SPHKAP: variants seen among roughly 807,000 people sequenced by gnomAD.
SPHKAP encodes the protein A-kinase anchor protein SPHKAP.
A neutral mutation model predicts 137.5 loss-of-function variants in SPHKAP; 67 were observed. The observed-to-expected ratio is 0.49, with a 90% CI of 0.40 to 0.60. The LOEUF is 0.60. Among genes scored for constraint, SPHKAP ranks in the 20% least tolerant of loss-of-function variants. The pLI, the probability that SPHKAP is intolerant of heterozygous loss-of-function variation, is 0.00. For missense variants in SPHKAP, 2,097 were observed against 2,069.3 expected (o/e 1.01, Z -0.26); for synonymous variants, 813 against 785.3 (o/e 1.04, Z -0.59).
At chr2:228,151,121 C>A (rs1051775861) in intron 1 of SPHKAP, among the ~76,000 whole-genome samples, 2 of 142,406 alleles carry the variant, frequency 1.4e-5, no homozygotes, top group African/African-American at 2.6e-5. Flanking sequence ...GTGTGATGTT[C>A]CCCTTCCTGT....
At chr2:228,105,655 A>G (rs1043822448) in intron 3 of SPHKAP, among the ~76,000 whole-genome samples, 1 of 152,134 alleles carries the variant, frequency 6.6e-6, no homozygotes, top group African/African-American at 2.4e-5. Context: ...GTGGGAGATA[A>G]TTGAATCATG....
intron 1 of SPHKAP, among the ~76,000 whole-genome samples, chr2:228,159,112 A>T (rs1055789610): frequency 9.9e-5 from 15 of 152,150 alleles, no homozygotes; most frequent in Non-Finnish European, 1.9e-4. Context: ...CCCGACTCTG[A>T]GCTCTCCCCT....
At chr2:228,133,665 T>G (rs1699338052) in intron 1 of SPHKAP, among the ~76,000 whole-genome samples, 1 of 152,176 alleles carries the variant, frequency 6.6e-6, no homozygotes, top group Non-Finnish European at 1.5e-5. Flanking sequence ...TGGTTTCTCT[T>G]AAAACAAGTG....
chr2:228,144,242 G>A (rs1038285316), intron 1 of SPHKAP, among the ~76,000 whole-genome samples: 16 of 152,092 alleles, frequency 1.1e-4, no homozygotes, highest in Non-Finnish European at 1.8e-4. Flanking sequence ...ATGTTCCAAT[G>A]TTCTATAGAA....
intron 2 of SPHKAP, among the ~76,000 whole-genome samples, chr2:228,124,496 C>G (rs1477985111): frequency 1.3e-5 from 2 of 150,154 alleles, no homozygotes; most frequent in Non-Finnish European, 2.9e-5. Flanking sequence ...AAAAACCAAA[C>G]ACCACACGTT....
chr2:227,982,982 G>A lies in SPHKAP; in HGVS notation c.4960-1122C>T, dbSNP rs796314991. Among the ~76,000 whole-genome samples the A allele has an allele frequency of 1.4e-4, 21 of 152,280 alleles. 1 individual carries two copies. Among genetic ancestry groups the A allele is most frequent in the African/African-American group, 5.1e-4 (21 of 41,552 alleles). On this transcript the variant is annotated intron_variant, in intron 11 of 11. Transcript: ENST00000392056. The stretch of plus-strand genomic sequence containing the variant: ...TCTATGTTCTTGATATTTACTTGGA[G>A]CACTGGGAGAAAAAATAGGCTGGAA...
intron 7 of SPHKAP, among the ~76,000 whole-genome samples, chr2:228,006,438 T>C (rs1301527579): frequency 4.6e-5 from 7 of 152,130 alleles, no homozygotes; most frequent in Non-Finnish European, 1.5e-5. Context: ...GTTAGCCTTT[T>C]GTCTAATCTT....
chr2:228,053,616 G>A (rs999661309), intron 3 of SPHKAP, among the ~76,000 whole-genome samples: 5 of 152,014 alleles, frequency 3.3e-5, no homozygotes, highest in East Asian at 1.9e-4. Flanking sequence ...CATTACTATG[G>A]AATAAACCTT....
At chr2:227,984,701 C>A (rs994580380) in intron 11 of SPHKAP, among the ~76,000 whole-genome samples, 8 of 152,122 alleles carry the variant, frequency 5.3e-5, no homozygotes, top group African/African-American at 1.9e-4. Context: ...TCCTCACTCT[C>A]CAGCTCTTAC....
In SPHKAP at chr2:228,024,361, T is replaced by TTAA. The variant is rs1553614222; in HGVS notation, c.441+1032_441+1033insTTA. On this transcript the variant is annotated intron_variant, in intron 5 of 11. Coordinates refer to ENST00000392056, the MANE Select transcript of SPHKAP (RefSeq NM_001142644.2). ...GAGGCAGTTTTTTTTTTTTTTTTTT[T>TTAA]AAATCTGTGAATTCTAGAAAGAAAA... is the stretch of plus-strand genomic sequence containing the variant. 5.0e-3 allele frequency among the ~76,000 whole-genome samples: 730 copies of TTAA among 145,168 alleles called. 11 individuals are homozygous for TTAA. The highest frequency in any genetic ancestry group is 0.015 in the African/African-American group (593 of 39,620).
Position 227,981,877 on chromosome 2 carries a change from A to G in SPHKAP, c.4960-17T>C, listed in dbSNP as rs773225584. Reference sequence around the variant, plus strand: ...ATCTAGAAACTAAAATAAAACGGAGAGTTAGGGCTCACAGAGCACAGAGGG... The same window carrying G: ...ATCTAGAAACTAAAATAAAACGGAGGGTTAGGGCTCACAGAGCACAGAGGG... On this transcript the variant is annotated splice_polypyrimidine_tract_variant and intron_variant, in intron 11 of 11. Coordinates refer to ENST00000392056, the MANE Select transcript of SPHKAP (RefSeq NM_001142644.2). 4 of 1,610,124 alleles carry G rather than the reference A, an allele frequency of 2.5e-6. No individual in the cohort carries two copies. Among genetic ancestry groups the G allele is most frequent in the South Asian group, 2.2e-5 (2 of 90,450 alleles).
At chr2:228,009,575 G>A (rs1694285770) in intron 7 of SPHKAP, among the ~76,000 whole-genome samples, 2 of 152,076 alleles carry the variant, frequency 1.3e-5, no homozygotes, top group Admixed American at 1.3e-4. Flanking sequence ...CTTATAATGA[G>A]TGATATTTTT....
chr2:228,172,170 A>T (rs1398079838), intron 1 of SPHKAP, among the ~76,000 whole-genome samples: 2 of 152,212 alleles, frequency 1.3e-5, no homozygotes, highest in African/African-American at 4.8e-5. Context: ...GAATAAAAAA[A>T]GGAAAATGAT....
At chr2:228,145,518 T>A (rs1699750084) in intron 1 of SPHKAP, among the ~76,000 whole-genome samples, 1 of 152,138 alleles carries the variant, frequency 6.6e-6, no homozygotes, top group Non-Finnish European at 1.5e-5. Flanking sequence ...TGGCTCCCAT[T>A]TTGGCAGGCA....
At chr2:228,049,079 A>G (rs370230426) in intron 3 of SPHKAP, among the ~76,000 whole-genome samples, 4 of 152,272 alleles carry the variant, frequency 2.6e-5, no homozygotes, top group African/African-American at 9.6e-5. Flanking sequence ...TTATGCAACC[A>G]CTAGGAGGCT....
chr2:228,170,674 T>C (rs1700559030), intron 1 of SPHKAP, among the ~76,000 whole-genome samples: 1 of 152,144 alleles, frequency 6.6e-6, no homozygotes, highest in South Asian at 2.1e-4. Context: ...GTTTTACACA[T>C]AATACTATCA....
intron 3 of SPHKAP, among the ~76,000 whole-genome samples, chr2:228,084,905 G>A (rs1035153028): frequency 1.3e-5 from 2 of 152,154 alleles, no homozygotes; most frequent in Non-Finnish European, 2.9e-5. Flanking sequence ...TGAAGCCTGT[G>A]GCATTGATTG....
chr2:228,086,991 C>A (rs1697559669), intron 3 of SPHKAP, among the ~76,000 whole-genome samples: 1 of 152,166 alleles, frequency 6.6e-6, no homozygotes, highest in Admixed American at 6.5e-5. Flanking sequence ...GACTGCTGAG[C>A]AATTTATAGC....
In SPHKAP at chr2:228,018,470, T is replaced by G; in HGVS notation, c.2384A>C (p.Gln795Pro). Residue 795 changes from glutamine to proline, a missense_variant, in exon 7 of 12, where the codon CAA (glutamine) becomes CCA (proline). Transcript: ENST00000392056. ...NNLVDGMYSK[Q>P]DKGGVRPGLF... ...GCCTGGCCTCACTCCACCCTTGTCTTGTTTTGAATACATGCCATCCACAAG... is the reference window on the plus strand; with the variant it reads ...GCCTGGCCTCACTCCACCCTTGTCTGGTTTTGAATACATGCCATCCACAAG... The G allele has an allele frequency of 6.2e-7, 1 of 1,614,146 alleles. No homozygotes were observed. Among genetic ancestry groups the G allele is most frequent in the South Asian group, 1.1e-5 (1 of 91,080 alleles).
Sources: allele counts gnomAD v4.1 joint callset (sites outside exome capture counted in the v4.1 genomes callset), GRCh38; gene constraint gnomAD v4.1.1; transcripts MANE v1.5; gene names NCBI Gene and HGNC (gene_info 2026-07-23, HGNC 2026-07-21).